ZNF385D: variants seen among roughly 807,000 people sequenced by gnomAD.
ZNF385D encodes zinc finger protein 385D, also known as zinc finger protein 659.
ZNF385D carries 15 observed loss-of-function variants against 35.8 expected under a neutral mutation model. The ratio of observed to expected loss-of-function variants is 0.42; its 90% CI spans 0.28 to 0.64. The LOEUF (loss-of-function observed/expected upper bound fraction) is 0.64. Ranked by LOEUF, ZNF385D falls within the 30% of genes least tolerant of loss-of-function variation. The pLI, the probability that ZNF385D is intolerant of heterozygous loss-of-function variation, is 0.23. For missense variants in ZNF385D, 474 were observed against 494.6 expected (o/e 0.96, Z 0.39); for synonymous variants, 212 against 186.8 (o/e 1.13, Z -1.10).
At chr3:21,971,840 T>C (rs951287210) in intron 3 of ZNF385D, among the ~76,000 whole-genome samples, 85 of 151,914 alleles carry the variant, frequency 5.6e-4, no homozygotes, top group African/African-American at 2.0e-3. Flanking sequence ...AAAATAGATT[T>C]AAAAACAAAA....
chr3:22,300,342 A>G (rs1167832766), intron 2 of ZNF385D, among the ~76,000 whole-genome samples: 1 of 151,982 alleles, frequency 6.6e-6, no homozygotes, highest in African/African-American at 2.4e-5. Context: ...AACTGCTAGA[A>G]GAAAACAGGG....
chr3:22,137,931 AG>A (rs1704254467), intron 3 of ZNF385D, among the ~76,000 whole-genome samples: 1 of 152,156 alleles, frequency 6.6e-6, no homozygotes, highest in Non-Finnish European at 1.5e-5. Flanking sequence ...CCATCGTCTC[AG>A]CCCAAAATCT....
chr3:21,894,950 T>C (rs193047747), intron 3 of ZNF385D, among the ~76,000 whole-genome samples: 1 of 151,814 alleles, frequency 6.6e-6, no homozygotes, highest in Non-Finnish European at 1.5e-5. Flanking sequence ...ACAGCAAAAA[T>C]CACCACCCAG....
intron 2 of ZNF385D, among the ~76,000 whole-genome samples, chr3:21,624,074 A>T (rs1214265318): frequency 6.6e-6 from 1 of 152,130 alleles, no homozygotes; most frequent in Non-Finnish European, 1.5e-5. Context: ...AAGTGAAGAA[A>T]ATGTTAAAAT....
intron 2 of ZNF385D, among the ~76,000 whole-genome samples, chr3:22,369,251 A>T (rs1176379457): frequency 6.6e-6 from 1 of 152,188 alleles, no homozygotes; most frequent in Non-Finnish European, 1.5e-5. Flanking sequence ...ATCACCAAAT[A>T]ATATCAAATA....
At chr3:22,135,317 C>T (rs1041211149) in intron 3 of ZNF385D, among the ~76,000 whole-genome samples, 1 of 136,738 alleles carries the variant, frequency 7.3e-6, no homozygotes, top group Non-Finnish European at 1.5e-5. Context: ...CACACACATA[C>T]CCCAACATAC....
chr3:21,982,203 G>C (rs925062037), intron 3 of ZNF385D, among the ~76,000 whole-genome samples: 1 of 151,174 alleles, frequency 6.6e-6, no homozygotes, highest in East Asian at 1.9e-4. Flanking sequence ...TCCTATTCAT[G>C]AGCGTGGGAT....
chr3:22,177,265 G>C (rs113729926), intron 2 of ZNF385D, among the ~76,000 whole-genome samples: 5 of 152,234 alleles, frequency 3.3e-5, no homozygotes, highest in African/African-American at 9.6e-5. Context: ...ATATCTTTGT[G>C]CTTTCAGCTA....
intron 2 of ZNF385D, among the ~76,000 whole-genome samples, chr3:22,171,464 T>C (rs12485866): frequency 0.023 from 3,430 of 152,244 alleles, 60 homozygotes; most frequent in Non-Finnish European, 0.034. Context: ...ATGTCAACAA[T>C]TAATTTTGTA....
intron 3 of ZNF385D, among the ~76,000 whole-genome samples, chr3:21,816,022 T>G (rs757541343): frequency 6.6e-6 from 1 of 152,144 alleles, no homozygotes; most frequent in Non-Finnish European, 1.5e-5. Context: ...CAAGGCGGGT[T>G]CAACATATGA....
chr3:21,483,724 A>G lies in ZNF385D; in HGVS notation c.439+27137T>C, dbSNP rs969643539. ...CATTGTACCATCTGTGCATTATTTG[A>G]CAAAATGTCTGCTCATGGCTTTCGT... On this transcript the variant is annotated intron_variant, in intron 4 of 7. Transcript: ENST00000281523. Among the ~76,000 whole-genome samples, 4 of 152,160 alleles carry G rather than the reference A, an allele frequency of 2.6e-5. No individual in the cohort carries two copies. The South Asian group carries it at 8.3e-4, about 32-fold the overall frequency.
intron 4 of ZNF385D, among the ~76,000 whole-genome samples, chr3:21,462,848 G>T (rs554665616): frequency 6.6e-6 from 1 of 152,114 alleles, no homozygotes; most frequent in Admixed American, 6.6e-5. Flanking sequence ...TGGGCATGGT[G>T]GCTCACACCT....
At chr3:22,257,433 T>A (rs1272697100) in intron 2 of ZNF385D, among the ~76,000 whole-genome samples, 5 of 151,860 alleles carry the variant, frequency 3.3e-5, no homozygotes, top group African/African-American at 1.2e-4. Flanking sequence ...ATCTTCTTGA[T>A]GTGCAATTGC....
At chr3:22,022,859 G>C (rs911350466) in intron 3 of ZNF385D, among the ~76,000 whole-genome samples, 1 of 152,098 alleles carries the variant, frequency 6.6e-6, no homozygotes, top group African/African-American at 2.4e-5. Context: ...ATTTTTAAAA[G>C]AATTAAGTCC....
At position 22,118,616 on chromosome 3, in the gene ZNF385D, G is replaced by A. The variant is rs182811966; in HGVS notation, c.325+50201C>T. On this transcript the variant is annotated intron_variant, in intron 3 of 5. Coordinates refer to the ZNF385D transcript ENST00000494108. ...TCAACTTTTTTTTCCCAATGATATC[G>A]GTAAGAGGTTAGGGAAATTCATTCA... is the stretch of plus-strand genomic sequence containing the variant. 4.0e-5 allele frequency among the ~76,000 whole-genome samples: 6 copies of A among 151,762 alleles called. No individual in the cohort carries two copies. The South Asian group carries it at 8.3e-4, about 21-fold the overall frequency.
chr3:22,101,446 A>C (rs1193055316), intron 3 of ZNF385D, among the ~76,000 whole-genome samples: 1 of 152,116 alleles, frequency 6.6e-6, no homozygotes, highest in East Asian at 1.9e-4. Flanking sequence ...ATGTTCTCAG[A>C]GAGATGAAAT....
At chr3:21,537,441 G>A (rs982157821) in intron 3 of ZNF385D, among the ~76,000 whole-genome samples, 2 of 151,830 alleles carry the variant, frequency 1.3e-5, no homozygotes, top group African/African-American at 2.4e-5. Flanking sequence ...CACCACGCCC[G>A]GCCCAACATT....
At chr3:22,193,497 A>G (rs953399287) in intron 2 of ZNF385D, among the ~76,000 whole-genome samples, 1 of 152,074 alleles carries the variant, frequency 6.6e-6, no homozygotes, top group Non-Finnish European at 1.5e-5. Flanking sequence ...ATTAACTTGG[A>G]AAAATATGGG....
intron 3 of ZNF385D, among the ~76,000 whole-genome samples, chr3:21,949,546 C>CTTTTTTTTTTTTTTTTTTTT (rs1553705221): frequency 3.2e-5 from 1 of 31,164 alleles, no homozygotes. Flanking sequence ...TCCTTCTTTT[C>CTTTTTTTTTTTTTTTTTTTT]TTTCTTTCTT....
Sources: gnomAD v4.1 joint callset for allele counts (sites outside exome capture counted in the v4.1 genomes callset) on GRCh38, gnomAD v4.1.1 for gene constraint, MANE v1.5 for transcripts, NCBI Gene and HGNC (gene_info 2026-07-23, HGNC 2026-07-21) for gene names.